Variants in DSCAM observed in about 807,000 individuals in gnomAD.
The protein encoded by DSCAM is DS cell adhesion molecule, also known as cell adhesion molecule DSCAM.
In DSCAM, 47 loss-of-function variants were observed where a neutral mutation model predicts 217.7. That is an observed-to-expected ratio of 0.22 (90% CI 0.17 to 0.28). The LOEUF is 0.28. Among genes scored for constraint, DSCAM ranks in the 10% least tolerant of loss-of-function variants. The pLI, the probability that DSCAM is intolerant of heterozygous loss-of-function variation, is 1.00. For missense variants in DSCAM, 2,080 were observed against 2,618.3 expected (o/e 0.79, Z 4.49); for synonymous variants, 1,056 against 1,015.3 (o/e 1.04, Z -0.76).
At chr21:40,439,448 AG>A (rs1396509751) in intron 3 of DSCAM, among the ~76,000 whole-genome samples, 1 of 152,196 alleles carries the variant, frequency 6.6e-6, no homozygotes, top group Non-Finnish European at 1.5e-5. Context: ...AGTTCTATAA[AG>A]GTAGGACTAG....
intron 11 of DSCAM, among the ~76,000 whole-genome samples, chr21:40,258,271 G>T (rs2073401794): frequency 6.6e-6 from 1 of 152,158 alleles, no homozygotes; most frequent in Admixed American, 6.5e-5. Flanking sequence ...TTTCCCTCTT[G>T]CATTTCTTCC....
At chr21:40,312,406 T>C in intron 8 of DSCAM, 47 bp from the exon 9 acceptor site, 1 of 1,590,806 alleles carries the variant, frequency 6.3e-7, no homozygotes, top group Non-Finnish European at 8.6e-7. Flanking sequence ...TATTCTACAT[T>C]TGCTTTTCCT....
intron 1 of DSCAM, among the ~76,000 whole-genome samples, chr21:40,818,664 C>T (rs2123580442): frequency 7.0e-6 from 1 of 143,350 alleles, no homozygotes; most frequent in Admixed American, 7.0e-5. Flanking sequence ...GTTTAGAAAT[C>T]AATCTTCAGC....
chr21:40,381,074 A>AG (rs2075018465), intron 3 of DSCAM, among the ~76,000 whole-genome samples: 2 of 147,116 alleles, frequency 1.4e-5, no homozygotes, highest in African/African-American at 2.6e-5. Context: ...AAAAAAAAAA[A>AG]AAAAAAAAAA....
intron 4 of DSCAM, among the ~76,000 whole-genome samples, chr21:40,364,622 T>C (rs2074808705): frequency 6.6e-6 from 1 of 151,130 alleles, no homozygotes; most frequent in Non-Finnish European, 1.5e-5. Context: ...GGCACATATA[T>C]ACATATGTAA....
intron 20 of DSCAM, among the ~76,000 whole-genome samples, chr21:40,107,577 ATCTG>A (rs1376481531): frequency 6.6e-6 from 1 of 152,028 alleles, no homozygotes; most frequent in African/African-American, 2.4e-5. Context: ...TGTCTCAATG[ATCTG>A]TCTAATATTG....
intron 3 of DSCAM, among the ~76,000 whole-genome samples, chr21:40,461,633 G>GTAAGGTTTCATGGCAAAGGGGAGT (rs1436404177): frequency 1.3e-5 from 2 of 152,176 alleles, no homozygotes; most frequent in Non-Finnish European, 2.9e-5. Context: ...CTGTGAATGT[G>GTAAGGTTTCATGGCAAAGGGGAGT]TAAGGTTTCA....
At chr21:40,370,274 G>T (rs536189366) in intron 3 of DSCAM, among the ~76,000 whole-genome samples, 12 of 149,482 alleles carry the variant, frequency 8.0e-5, no homozygotes, top group African/African-American at 3.0e-4. Context: ...AAAAAAAGTA[G>T]AGCTGAGAGT....
At chr21:40,789,553 A>ATTT (rs3071032) in intron 1 of DSCAM, among the ~76,000 whole-genome samples, 6 of 128,734 alleles carry the variant, frequency 4.7e-5, no homozygotes, top group African/African-American at 6.0e-5. Flanking sequence ...GAGTAGATTG[A>ATTT]TTTTTTTTTT....
At chr21:40,115,131 A>C (rs1220842013) in intron 20 of DSCAM, among the ~76,000 whole-genome samples, 11 of 152,298 alleles carry the variant, frequency 7.2e-5, no homozygotes, top group Non-Finnish European at 1.5e-4. Context: ...TTACTGTGGC[A>C]CTATTCACAA....
chr21:40,576,397 T>G (rs1317975876), intron 3 of DSCAM, among the ~76,000 whole-genome samples: 1 of 152,198 alleles, frequency 6.6e-6, no homozygotes, highest in Non-Finnish European at 1.5e-5. Flanking sequence ...CTGGGTTGGG[T>G]GCAGGCTGGG....
intron 20 of DSCAM, among the ~76,000 whole-genome samples, chr21:40,113,256 G>A (rs185134740): frequency 0.12 from 18,472 of 152,028 alleles, 1,214 homozygotes; most frequent in Non-Finnish European, 0.16. Flanking sequence ...GGCTGGTTCA[G>A]CATACGCAAA....
intron 7 of DSCAM, 147 bp downstream of exon 7, chr21:40,338,972 T>C (rs2074458055): frequency 9.6e-7 from 1 of 1,038,694 alleles, no homozygotes; most frequent in African/African-American, 1.6e-5. Flanking sequence ...TCAGTGCCAT[T>C]CCTGAGTAGG....
At chr21:40,786,675 G>A (rs1024461896) in intron 1 of DSCAM, among the ~76,000 whole-genome samples, 2 of 152,216 alleles carry the variant, frequency 1.3e-5, no homozygotes, top group African/African-American at 2.4e-5. Flanking sequence ...GTTAAGGCAA[G>A]TCAGTGACTT....
At chr21:40,838,843 G>T (rs990547205) in intron 1 of DSCAM, among the ~76,000 whole-genome samples, 2 of 152,106 alleles carry the variant, frequency 1.3e-5, no homozygotes, top group Non-Finnish European at 2.9e-5. Flanking sequence ...TCTAGGGCAG[G>T]TCTGATTTTG....
intron 8 of DSCAM, among the ~76,000 whole-genome samples, chr21:40,329,503 A>C (rs2074352492): frequency 6.6e-6 from 1 of 151,948 alleles, no homozygotes; most frequent in South Asian, 2.1e-4. Context: ...AGTCCCAGCT[A>C]CTTGGGAGGC....
At chr21:40,792,361 A>T (rs533766502) in intron 1 of DSCAM, among the ~76,000 whole-genome samples, 61 of 151,928 alleles carry the variant, frequency 4.0e-4, no homozygotes, top group African/African-American at 1.5e-3. Flanking sequence ...GCTGATCTTG[A>T]ACTCCTAACC....
chr21:40,260,533 A>G (rs1046037487), intron 11 of DSCAM, among the ~76,000 whole-genome samples: 18 of 152,224 alleles, frequency 1.2e-4, no homozygotes, highest in African/African-American at 4.1e-4. Flanking sequence ...ATGAGGAGTG[A>G]GGATGGTCCC....
At chr21:40,320,031 G>A (rs2074243036) in intron 8 of DSCAM, among the ~76,000 whole-genome samples, 1 of 152,122 alleles carries the variant, frequency 6.6e-6, no homozygotes, top group South Asian at 2.1e-4. Flanking sequence ...GAGGAAGAAA[G>A]CATGTGAAAG....
Sources: gnomAD v4.1 joint callset for allele counts (sites outside exome capture counted in the v4.1 genomes callset) on GRCh38, gnomAD v4.1.1 for gene constraint, MANE v1.5 for transcripts, NCBI Gene and HGNC (gene_info 2026-07-23, HGNC 2026-07-21) for gene names.